CFAP299: variants seen among roughly 807,000 people sequenced by gnomAD.
CFAP299 encodes cilia- and flagella-associated protein 299.
A neutral mutation model predicts 27.0 loss-of-function variants in CFAP299; 21 were observed. That is an observed-to-expected ratio of 0.78 (90% CI 0.55 to 1.12). The LOEUF is 1.12. Among genes scored for constraint, CFAP299 ranks in the 50% most tolerant of loss-of-function variants. The pLI is 0.00. For missense variants in CFAP299, 310 were observed against 276.6 expected (o/e 1.12, Z -0.86); for synonymous variants, 104 against 98.1 (o/e 1.06, Z -0.36).
At chr4:80,896,960 C>T (rs1230223021) in intron 4 of CFAP299, among the ~76,000 whole-genome samples, 1 of 152,052 alleles carries the variant, frequency 6.6e-6, no homozygotes, top group Non-Finnish European at 1.5e-5. Flanking sequence ...ACGGGAAAGA[C>T]TGCTGTAAGA....
intron 3 of CFAP299, among the ~76,000 whole-genome samples, chr4:80,728,474 A>T (rs1723287697): frequency 6.6e-6 from 1 of 152,108 alleles, no homozygotes; most frequent in Non-Finnish European, 1.5e-5. Flanking sequence ...TTTTGACTGT[A>T]TGAAACTATT....
intron 3 of CFAP299, among the ~76,000 whole-genome samples, chr4:80,787,667 T>C (rs1236011899): frequency 6.6e-6 from 1 of 151,980 alleles, no homozygotes; most frequent in Non-Finnish European, 1.5e-5. Flanking sequence ...GTCCTTTCAG[T>C]TACCAGAGCT....
At chr4:80,449,573 A>C (rs1728800084) in intron 2 of CFAP299, among the ~76,000 whole-genome samples, 1 of 151,834 alleles carries the variant, frequency 6.6e-6, no homozygotes, top group African/African-American at 2.4e-5. Context: ...TTATATGCTT[A>C]ATACATTCAA....
intron 2 of CFAP299, chr4:80,386,426 C>A: frequency 1.3e-5 from 20 of 1,544,860 alleles, no homozygotes; most frequent in Non-Finnish European, 1.7e-5. Flanking sequence ...TCTCCTCCAG[C>A]CCCAGCGGGT....
intron 3 of CFAP299, among the ~76,000 whole-genome samples, chr4:80,843,817 T>C (rs1731005093): frequency 6.6e-6 from 1 of 152,132 alleles, no homozygotes; most frequent in Non-Finnish European, 1.5e-5. Context: ...ATGTGCCGGT[T>C]TGTTACATAT....
At chr4:80,718,899 A>T (rs1266137031) in intron 3 of CFAP299, among the ~76,000 whole-genome samples, 1 of 152,164 alleles carries the variant, frequency 6.6e-6, no homozygotes, top group African/African-American at 2.4e-5. Context: ...TTGAATGTCC[A>T]TTGATGACAG....
At chr4:80,773,126 T>C (rs996679926) in intron 3 of CFAP299, among the ~76,000 whole-genome samples, 2 of 152,152 alleles carry the variant, frequency 1.3e-5, no homozygotes, top group African/African-American at 4.8e-5. Context: ...TAGGAGCTAT[T>C]TTATCTATTG....
At chr4:80,904,910 C>G (rs945123233) in intron 4 of CFAP299, among the ~76,000 whole-genome samples, 1 of 151,812 alleles carries the variant, frequency 6.6e-6, no homozygotes, top group African/African-American at 2.4e-5. Flanking sequence ...CAAGAAAATG[C>G]ACATGCTTAA....
chr4:80,437,291 C>G (rs761665146), intron 2 of CFAP299, among the ~76,000 whole-genome samples: 1 of 152,136 alleles, frequency 6.6e-6, no homozygotes, highest in Non-Finnish European at 1.5e-5. Context: ...ATTTATCTCT[C>G]TAGAACTGGA....
At chr4:80,675,957 T>G (rs900095887) in intron 3 of CFAP299, among the ~76,000 whole-genome samples, 6 of 152,096 alleles carry the variant, frequency 3.9e-5, no homozygotes, top group African/African-American at 1.4e-4. Flanking sequence ...TGACTTCCCT[T>G]TGCTAGGAAA....
chr4:80,693,842 T>TA (rs527320514), intron 3 of CFAP299, among the ~76,000 whole-genome samples: 2,166 of 144,566 alleles, frequency 0.015, 21 homozygotes, highest in African/African-American at 0.031. Context: ...CATCTGTTAA[T>TA]AAAAAAAAAA....
intron 2 of CFAP299, among the ~76,000 whole-genome samples, chr4:80,553,324 C>T (rs1033812615): frequency 3.3e-5 from 5 of 152,074 alleles, no homozygotes; most frequent in Admixed American, 2.0e-4. Context: ...AGACAGGATC[C>T]CATTCTGTTT....
chr4:80,546,189 G>A (rs1734218403), intron 2 of CFAP299, among the ~76,000 whole-genome samples: 3 of 152,112 alleles, frequency 2.0e-5, no homozygotes, highest in Admixed American at 2.0e-4. Context: ...ACTGGAGCAT[G>A]ACAAGGATGC....
intron 3 of CFAP299, among the ~76,000 whole-genome samples, chr4:80,694,028 T>C (rs1349641695): frequency 6.6e-6 from 1 of 152,122 alleles, no homozygotes; most frequent in Non-Finnish European, 1.5e-5. Flanking sequence ...TGAAAAATCT[T>C]CTCTTTGTAA....
rs966124261 is a variant in CFAP299 at position 80,813,791 on chromosome 4, T to C, written c.334-56202T>C. The stretch of plus-strand genomic sequence containing the variant: ...TCCTTGCCAAATGTGTAAATACAGA[T>C]TGAAGGGCAAATCCTGATGCAGTAA... On this transcript the variant is annotated intron_variant, in intron 3 of 5. Transcript: ENST00000358105. 2.0e-5 allele frequency among the ~76,000 whole-genome samples: 3 copies of C among 151,948 alleles called. No homozygotes were observed. In the South Asian group the frequency reaches 6.2e-4, roughly 31 times the overall value.
intron 3 of CFAP299, among the ~76,000 whole-genome samples, chr4:80,782,649 AATATATAATATATTC>A (rs1194408725): frequency 1.6e-5 from 2 of 124,052 alleles, no homozygotes; most frequent in South Asian, 2.2e-4. Context: ...TACATATATG[AATATATAATATATTC>A]ATATATAATA....
chr4:80,692,852 A>T (rs1255600545), intron 3 of CFAP299, among the ~76,000 whole-genome samples: 1 of 152,286 alleles, frequency 6.6e-6, no homozygotes, highest in East Asian at 1.9e-4. Context: ...ATTTACAAGA[A>T]AAAAACAAAC....
At chr4:80,726,447 A>G (rs1441184248) in intron 3 of CFAP299, among the ~76,000 whole-genome samples, 1 of 152,198 alleles carries the variant, frequency 6.6e-6, no homozygotes, top group East Asian at 1.9e-4. Context: ...AAGTAAATTC[A>G]TTTTATACTT....
chr4:80,918,393 T>C (rs755257944), intron 4 of CFAP299, among the ~76,000 whole-genome samples: 1 of 152,186 alleles, frequency 6.6e-6, no homozygotes, highest in Non-Finnish European at 1.5e-5. Flanking sequence ...ATATTTAGCT[T>C]ATCCTTGTTG....
Sources: gnomAD v4.1 joint callset for allele counts (sites outside exome capture counted in the v4.1 genomes callset) on GRCh38, gnomAD v4.1.1 for gene constraint, MANE v1.5 for transcripts, NCBI Gene and HGNC (gene_info 2026-07-23, HGNC 2026-07-21) for gene names.